Variants in PRKCI observed in about 807,000 individuals in gnomAD.
PRKCI encodes the protein protein kinase C iota.
Under a neutral mutation model 84.0 loss-of-function variants are expected in PRKCI, and 43 were observed. The ratio of observed to expected loss-of-function variants is 0.51; its 90% confidence interval spans 0.40 to 0.66. The LOEUF is 0.66. Among genes scored for constraint, PRKCI ranks in the 30% least tolerant of loss-of-function variants. The pLI is 0.00. For synonymous variants in PRKCI, 216 were observed against 234.4 expected (o/e 0.92, Z 0.72); for missense variants, 459 against 745.6 (o/e 0.62, Z 4.48).
In PRKCI at chr3:170,228,614, T is replaced by TACAC. The variant is rs773440380; in HGVS notation, c.101+5845_101+5846insCACA. On this transcript the variant is annotated intron_variant, in intron 1 of 17. Transcript: ENST00000295797. The stretch of plus-strand genomic sequence containing the variant: ...ATACACACACACAAATATATATATA[T>TACAC]ATACACACACACACACACACACACA... Among the ~76,000 whole-genome samples, 569 of 127,242 alleles carry TACAC rather than the reference T, an allele frequency of 4.5e-3. 4 individuals carry two copies. The highest frequency in any genetic ancestry group is 0.016 in the African/African-American group (523 of 32,226). 83.5% of individuals were successfully genotyped at this position (127,242 alleles called of 152,430 possible).
In PRKCI at chr3:170,291,579, TC is replaced by T. The variant is rs139093261; in HGVS notation, c.1204-273del. On this transcript the variant is annotated intron_variant, in intron 12 of 17. Coordinates refer to ENST00000295797, the MANE Select transcript of PRKCI (RefSeq NM_002740.6). ...GGGTGTGTTGGTGCATGCCTGTAAT[TC>T]CAGCTACTCAGGAGGCTGAGACACA... 8.7e-3 allele frequency: 2,602 copies of T among 300,796 alleles called. 69 individuals are homozygous for T. The highest frequency in any genetic ancestry group is 0.052 in the African/African-American group (2,430 of 46,812). 18.6% of individuals were successfully genotyped at this position (300,796 alleles called of 1,614,324 possible). A position where few individuals can be genotyped will look rare whatever the true frequency, so the allele number is the denominator to read the frequency against.
chr3:170,234,712 A>G (rs1732899575), intron 1 of PRKCI, among the ~76,000 whole-genome samples: 1 of 152,220 alleles, frequency 6.6e-6, no homozygotes, highest in South Asian at 2.1e-4. Flanking sequence ...TGTCATTAAA[A>G]TAAGCTATTT....
At chr3:170,223,723 G>A (rs549830968) in intron 1 of PRKCI, among the ~76,000 whole-genome samples, 1 of 152,158 alleles carries the variant, frequency 6.6e-6, no homozygotes, top group South Asian at 2.1e-4. Flanking sequence ...AGCTACTTTG[G>A]CTTGCCTTAC....
Position 170,262,019 on chromosome 3 carries a change from A to G in PRKCI, c.314-1360A>G, listed in dbSNP as rs573952889. Among the ~76,000 whole-genome samples the G allele has an allele frequency of 3.1e-4, 47 of 152,310 alleles. 1 individual carries two copies. The South Asian group carries it at 9.5e-3, about 31-fold the overall frequency. On this transcript the variant is annotated intron_variant, in intron 3 of 17. Coordinates refer to ENST00000295797, the MANE Select transcript of PRKCI (RefSeq NM_002740.6). Reference sequence around the variant, plus strand: ...GTTTTCAGAAGCTAGCTTACGTTTCAGCTTTTAAAAATATGCATTAGGAAC... The same window carrying G: ...GTTTTCAGAAGCTAGCTTACGTTTCGGCTTTTAAAAATATGCATTAGGAAC...
rs907314165 is a variant in PRKCI at position 170,300,130 on chromosome 3, C to A, written c.1703+1020C>A. Among the ~76,000 whole-genome samples the A allele has an allele frequency of 3.3e-5, 5 of 152,278 alleles. No homozygotes were observed. The East Asian group carries it at 9.6e-4, about 29-fold the overall frequency. On this transcript the variant is annotated intron_variant, in intron 17 of 17. Transcript: ENST00000295797. ...CATTTCACTTCTATCTCATTTCTTA[C>A]CACATTTCTCCCAGCACCTGCTCCA... is the stretch of plus-strand genomic sequence containing the variant.
intron 4 of PRKCI, among the ~76,000 whole-genome samples, chr3:170,265,203 GA>G (rs1324445268): frequency 2.7e-5 from 4 of 149,164 alleles, no homozygotes; most frequent in Admixed American, 6.7e-5. Flanking sequence ...AAAAAAAAAA[GA>G]AAAAAACTGC....
At position 170,285,078 on chromosome 3, in the gene PRKCI, C is replaced by CTTTTTTTTT. The variant is rs199832004; in HGVS notation, c.1203+493_1203+501dup. On this transcript the variant is annotated intron_variant, in intron 12 of 17. Transcript: ENST00000295797. ...TTACTCCCGGAATATGTCTTCATTT[C>CTTTTTTTTT]TTTTTTTTTTTTTTTTTTTGAGACA... Among the ~76,000 whole-genome samples, 2 of 129,820 alleles carry CTTTTTTTTT rather than the reference C, an allele frequency of 1.5e-5. 1 individual carries two copies. Among genetic ancestry groups the CTTTTTTTTT allele is most frequent in the African/African-American group, 5.7e-5 (2 of 35,184 alleles). 85.2% of individuals were successfully genotyped at this position (129,820 alleles called of 152,430 possible).
chr3:170,228,534 C>G (rs1167851539), intron 1 of PRKCI, among the ~76,000 whole-genome samples: 2 of 151,820 alleles, frequency 1.3e-5, no homozygotes, highest in Non-Finnish European at 2.9e-5. Flanking sequence ...GTGATTGCAC[C>G]ACTGCACTCC....
At chr3:170,225,459 T>C (rs1732603282) in intron 1 of PRKCI, among the ~76,000 whole-genome samples, 1 of 152,240 alleles carries the variant, frequency 6.6e-6, no homozygotes, top group Admixed American at 6.5e-5. Flanking sequence ...ATCCTTCCTT[T>C]ATACCAAGAA....
chr3:170,225,542 A>C (rs1250500706), intron 1 of PRKCI, among the ~76,000 whole-genome samples: 1 of 151,394 alleles, frequency 6.6e-6, no homozygotes, highest in African/African-American at 2.4e-5. Flanking sequence ...ATTACATAGC[A>C]TTTCCTCTAT....
At chr3:170,273,910 T>G (rs1437829798) in intron 7 of PRKCI, among the ~76,000 whole-genome samples, 1 of 150,716 alleles carries the variant, frequency 6.6e-6, no homozygotes, top group Non-Finnish European at 1.5e-5. Context: ...GGCAGAAGGA[T>G]CCCTTGAGCT....
intron 8 of PRKCI, 99 bp downstream of exon 8, chr3:170,275,386 A>G: frequency 9.0e-7 from 1 of 1,109,848 alleles, no homozygotes; most frequent in Non-Finnish European, 1.2e-6. Context: ...ACTTTAGATC[A>G]TAATGGTGAA....
At chr3:170,230,363 C>T (rs958063740) in intron 1 of PRKCI, among the ~76,000 whole-genome samples, 2 of 152,168 alleles carry the variant, frequency 1.3e-5, no homozygotes, top group Non-Finnish European at 2.9e-5. Context: ...CAAGGTCTTG[C>T]TCAGTCGCCC....
At position 170,305,319 on chromosome 3, in the gene PRKCI, T is replaced by C. The variant is rs1734929899; in HGVS notation, c.*2192T>C. ...GAGAAATACCTTCTTCAGGTTATTCTTTATGTTTGTCCTGTGGTTAAATAT... is the reference window on the plus strand; with the variant it reads ...GAGAAATACCTTCTTCAGGTTATTCCTTATGTTTGTCCTGTGGTTAAATAT... On this transcript the variant is annotated 3_prime_UTR_variant, in exon 18 of 18. Coordinates refer to ENST00000295797, the MANE Select transcript of PRKCI (RefSeq NM_002740.6). 6.6e-6 allele frequency: 1 copy of C among 152,646 alleles called. No individual in the cohort carries two copies. The allele number at this position is 152,646 out of a possible 1,614,324, so 9.5% of individuals were successfully genotyped here.
intron 1 of PRKCI, among the ~76,000 whole-genome samples, chr3:170,232,270 C>T (rs189403559): frequency 1.1e-4 from 16 of 152,204 alleles, no homozygotes; most frequent in African/African-American, 3.1e-4. Context: ...AGGCAGGCCT[C>T]GAACTCCTGT....
At chr3:170,243,526 A>G (rs1220250819) in intron 2 of PRKCI, among the ~76,000 whole-genome samples, 2 of 152,132 alleles carry the variant, frequency 1.3e-5, no homozygotes, top group Admixed American at 6.5e-5. Context: ...CTTGAGTCAA[A>G]CCTAGAAATA....
Position 170,303,469 on chromosome 3 carries a change from A to G in PRKCI, c.*342A>G, listed in dbSNP as rs183165714. The G allele has an allele frequency of 1.7e-3, 410 of 239,578 alleles. 1 individual carries two copies. Among genetic ancestry groups the G allele is most frequent in the Middle Eastern group, 5.0e-3 (4 of 806 alleles). The allele number at this position is 239,578 out of a possible 1,614,324, so 14.8% of individuals were successfully genotyped here. On this transcript the variant is annotated 3_prime_UTR_variant, in exon 18 of 18. Transcript: ENST00000295797. ...TTGCATTAAGGCACATAGTGGGATT[A>G]CATCATAAACCTCCCATAATTTTTG...
At position 170,303,261 on chromosome 3, in the gene PRKCI, C is replaced by T; in HGVS notation, c.*134C>T. 1 of 482,980 alleles carries T rather than the reference C, an allele frequency of 2.1e-6. No homozygotes were observed. The allele number at this position is 482,980 out of a possible 1,614,324, so 29.9% of individuals were successfully genotyped here. A position where few individuals can be genotyped will look rare whatever the true frequency, so the allele number is the denominator to read the frequency against. On this transcript the variant is annotated 3_prime_UTR_variant, in exon 18 of 18. Transcript: ENST00000295797. ...AACACCCAATATCTTCTCTTGTAGA[C>T]TATATGAATCAATTATTACATCTGT...
At chr3:170,299,205 AT>A (rs1165985556) in intron 17 of PRKCI, 95 bp downstream of exon 17, 3 of 560,940 alleles carry the variant, frequency 5.3e-6, no homozygotes, top group Admixed American at 3.9e-5. Flanking sequence ...TTATACTATA[AT>A]TTTTTTATTT....
Sources: gnomAD v4.1 joint callset for allele counts (sites outside exome capture counted in the v4.1 genomes callset) on GRCh38, gnomAD v4.1.1 for gene constraint, MANE v1.5 for transcripts, NCBI Gene and HGNC (gene_info 2026-07-23, HGNC 2026-07-21) for gene names.